Variants in CHCHD6 observed in about 807,000 individuals in gnomAD.
The protein encoded by CHCHD6 is MICOS complex subunit MIC25.
Under a neutral mutation model 32.3 loss-of-function variants are expected in CHCHD6, and 28 were observed. That is an observed-to-expected ratio of 0.87 (90% CI 0.64 to 1.19). CHCHD6 has a LOEUF of 1.19. CHCHD6 is among the 50% of genes most tolerant of loss of function. The pLI is 0.00. For missense variants in CHCHD6, 333 were observed against 307.0 expected (o/e 1.08, Z -0.63); for synonymous variants, 122 against 117.5 (o/e 1.04, Z -0.25).
At chr3:126,891,656 C>A (rs546625561) in intron 5 of CHCHD6, among the ~76,000 whole-genome samples, 2 of 152,080 alleles carry the variant, frequency 1.3e-5, no homozygotes, top group Non-Finnish European at 2.9e-5. Flanking sequence ...GTTTAGCCAT[C>A]CCATGTGAAA....
chr3:126,803,420 C>T (rs1559853398), intron 4 of CHCHD6, among the ~76,000 whole-genome samples: 4 of 152,102 alleles, frequency 2.6e-5, no homozygotes, highest in Admixed American at 1.3e-4. Flanking sequence ...CAATCCTAGT[C>T]TCTGATAAAA....
intron 4 of CHCHD6, among the ~76,000 whole-genome samples, chr3:126,744,756 C>T (rs780420068): frequency 9.2e-5 from 14 of 152,100 alleles, no homozygotes; most frequent in Non-Finnish European, 1.8e-4. Context: ...GGTGCGATCT[C>T]AGCTCACTGC....
intron 5 of CHCHD6, among the ~76,000 whole-genome samples, chr3:126,863,899 AACACCTCCTCCTCCT>A: frequency 2.2e-5 from 3 of 138,648 alleles, no homozygotes. Flanking sequence ...CTCCACCATC[AACACCTCCTCCTCCT>A]CCACCATCGA....
At chr3:126,896,265 C>A (rs139275436) in intron 5 of CHCHD6, among the ~76,000 whole-genome samples, 1 of 152,354 alleles carries the variant, frequency 6.6e-6, no homozygotes, top group African/African-American at 2.4e-5. Flanking sequence ...GCTTTAACCC[C>A]TACACCCTGG....
At chr3:126,823,945 C>T (rs779097330) in intron 4 of CHCHD6, among the ~76,000 whole-genome samples, 27 of 152,136 alleles carry the variant, frequency 1.8e-4, no homozygotes, top group Admixed American at 7.9e-4. Context: ...TGTGGTGGCA[C>T]GTGCCTATAG....
intron 4 of CHCHD6, among the ~76,000 whole-genome samples, chr3:126,771,300 G>T (rs1312904915): frequency 6.6e-6 from 1 of 151,528 alleles, no homozygotes; most frequent in Non-Finnish European, 1.5e-5. Context: ...CGCCTCCCAG[G>T]TTCAGGCAAT....
chr3:126,898,128 G>A (rs186732453), intron 5 of CHCHD6, among the ~76,000 whole-genome samples: 1 of 152,346 alleles, frequency 6.6e-6, no homozygotes, highest in Admixed American at 6.5e-5. Flanking sequence ...AGGTCCGCAG[G>A]ACCCAGTGCA....
intron 6 of CHCHD6, among the ~76,000 whole-genome samples, chr3:126,934,684 G>A (rs1413053508): frequency 6.6e-6 from 1 of 151,792 alleles, no homozygotes; most frequent in African/African-American, 2.4e-5. Flanking sequence ...GAGTATCTGG[G>A]ACTACAGACG....
At chr3:126,772,954 C>T (rs368348807) in intron 4 of CHCHD6, among the ~76,000 whole-genome samples, 5 of 151,982 alleles carry the variant, frequency 3.3e-5, no homozygotes, top group South Asian at 2.1e-4. Flanking sequence ...ATTTGCTTGT[C>T]GGAAAAGGAT....
chr3:126,951,329 T>G (rs2078712730), intron 6 of CHCHD6, among the ~76,000 whole-genome samples: 2 of 152,082 alleles, frequency 1.3e-5, no homozygotes, highest in South Asian at 4.1e-4. Flanking sequence ...TTTATAGGAG[T>G]GTGAAAACAG....
chr3:126,731,618 C>T (rs1182953437), intron 3 of CHCHD6, among the ~76,000 whole-genome samples: 1 of 152,102 alleles, frequency 6.6e-6, no homozygotes, highest in Non-Finnish European at 1.5e-5. Context: ...GAGGAAATTG[C>T]CCTCAGTATG....
intron 6 of CHCHD6, among the ~76,000 whole-genome samples, chr3:126,923,350 T>G (rs2078279922): frequency 6.6e-6 from 1 of 152,246 alleles, no homozygotes; most frequent in Admixed American, 6.5e-5. Flanking sequence ...TCTTTTCTGC[T>G]TACTGTTTGT....
intron 4 of CHCHD6, among the ~76,000 whole-genome samples, chr3:126,757,379 A>G (rs1221054061): frequency 6.6e-6 from 1 of 152,210 alleles, no homozygotes; most frequent in Non-Finnish European, 1.5e-5. Context: ...GTCCTTAACA[A>G]CACTAAAGCA....
intron 5 of CHCHD6, among the ~76,000 whole-genome samples, chr3:126,899,224 T>G (rs893926610): frequency 6.6e-6 from 1 of 152,236 alleles, no homozygotes; most frequent in African/African-American, 2.4e-5. Flanking sequence ...ATTACTTTAT[T>G]GGAAAAATGC....
At chr3:126,754,869 C>T (rs567768503) in intron 4 of CHCHD6, among the ~76,000 whole-genome samples, 346 of 152,282 alleles carry the variant, frequency 2.3e-3, no homozygotes, top group Non-Finnish European at 3.2e-3. Context: ...TCTCTCAGAA[C>T]GTCTCCAGGC....
chr3:126,881,079 G>A (rs1411967523), intron 5 of CHCHD6, among the ~76,000 whole-genome samples: 1 of 152,248 alleles, frequency 6.6e-6, no homozygotes, highest in African/African-American at 2.4e-5. Context: ...TGTATGGGAG[G>A]ACACAGTCTG....
Position 126,802,495 on chromosome 3 carries a change from G to A in CHCHD6, c.412-50152G>A, listed in dbSNP as rs966356785. Among the ~76,000 whole-genome samples, 11 of 152,306 alleles carry A rather than the reference G, an allele frequency of 7.2e-5. No homozygotes were observed. The East Asian group carries it at 7.7e-4, about 11-fold the overall frequency. ...GAAGATGAAATGAATGAAATGAAGC[G>A]AGAAGGGAAGTTTAGAGAGAAAAGA... On this transcript the variant is annotated intron_variant, in intron 4 of 7. Transcript: ENST00000290913.
chr3:126,752,185 A>G (rs1576372842), intron 4 of CHCHD6, among the ~76,000 whole-genome samples: 1 of 152,180 alleles, frequency 6.6e-6, no homozygotes, highest in African/African-American at 2.4e-5. Flanking sequence ...GGTGGGGAAG[A>G]AGGCCAGGCT....
intron 2 of CHCHD6, among the ~76,000 whole-genome samples, chr3:126,728,090 C>T (rs1052260045): frequency 1.3e-5 from 2 of 152,150 alleles, no homozygotes; most frequent in African/African-American, 4.8e-5. Context: ...TTACAGTTGC[C>T]TTTTCTACTC....
Sources: gnomAD v4.1 joint callset for allele counts (sites outside exome capture counted in the v4.1 genomes callset) on GRCh38, gnomAD v4.1.1 for gene constraint, MANE v1.5 for transcripts, NCBI Gene and HGNC (gene_info 2026-07-23, HGNC 2026-07-21) for gene names.